PTCH1: variants seen among roughly 807,000 people sequenced by gnomAD.
PTCH1 encodes protein patched homolog 1.
In PTCH1, 14 loss-of-function variants were observed where a neutral mutation model predicts 144.6. The ratio of observed to expected loss-of-function variants is 0.10; its 90% CI spans 0.06 to 0.15. The LOEUF (loss-of-function observed/expected upper bound fraction) is 0.15. PTCH1 is among the 10% of genes least tolerant of loss of function. PTCH1 has a pLI of 1.00. For missense variants in PTCH1, 1,623 were observed against 1,948.3 expected (o/e 0.83, Z 3.14); for synonymous variants, 833 against 793.6 (o/e 1.05, Z -0.83).
intron 5 of PTCH1, 151 bp from the exon 6 acceptor site, chr9:95,480,739 C>T: frequency 2.5e-6 from 2 of 796,650 alleles, no homozygotes; most frequent in Non-Finnish European, 4.1e-6. Context: ...TGCTCCTTTC[C>T]AGCATATCTG....
rs769866360 is a variant in PTCH1, at chr9:95,458,173, C to T, written c.3008G>A (p.Ser1003Asn). The T allele has an allele frequency of 2.3e-5, 37 of 1,614,056 alleles. No homozygotes were observed. Among genetic ancestry groups the T allele is most frequent in the Non-Finnish European group, 3.1e-5 (37 of 1,180,042 alleles). The stretch of plus-strand genomic sequence containing the variant: ...GTTGGGGTAACTGGACAGCCCCAGG[C>T]TCGTATAGTTGCTGCAGATGGTCCT... ...KVRTICSNYTSLGLSSYPNGY... is the reference protein window; with the variant it reads ...KVRTICSNYTNLGLSSYPNGY... Residue 1003 changes from serine (S) to asparagine (N), a missense_variant, in exon 18 of 24, where the codon AGC becomes AAC. Physicochemically the swap from Ser to Asn is conservative, Grantham distance 46 (BLOSUM62 1). This residue lies in a region of PTCH1 where 504 missense variants were observed against 679.3 expected (regional missense o/e 0.74). Coordinates refer to ENST00000331920, the MANE Select transcript of PTCH1 (RefSeq NM_000264.5). This position sits in a 1 kb window ranked among gnomAD's most constrained non-coding sequence, Gnocchi z 4.7.
intron 2 of PTCH1, among the ~76,000 whole-genome samples, chr9:95,500,496 CA>C (rs1398985419): frequency 7.9e-5 from 12 of 152,174 alleles, no homozygotes; most frequent in Admixed American, 2.6e-4. Flanking sequence ...GTCCAGGGAG[CA>C]GAAAGGAGCT....
chr9:95,499,882 G>GCGCCC (rs1278480160), intron 2 of PTCH1, among the ~76,000 whole-genome samples: 1 of 151,960 alleles, frequency 6.6e-6, no homozygotes, highest in Non-Finnish European at 1.5e-5. Flanking sequence ...GGCCACCAAA[G>GCGCCC]CGCCCCTTTC....
chr9:95,498,640 G>A (rs762798095), intron 2 of PTCH1, among the ~76,000 whole-genome samples: 17 of 151,968 alleles, frequency 1.1e-4, no homozygotes, highest in Admixed American at 3.9e-4. Flanking sequence ...AGGAAAAAAA[G>A]TGCCCTAAAT....
intron 18 of PTCH1, among the ~76,000 whole-genome samples, 160 bp from the exon 19 acceptor site, chr9:95,456,573 T>C (rs774369978): frequency 6.6e-6 from 1 of 152,212 alleles, no homozygotes; most frequent in Non-Finnish European, 1.5e-5. Flanking sequence ...GCCTAATTCA[T>C]CTTCCCGCTG....
chr9:95,503,807 G>C (rs893390464), intron 2 of PTCH1, among the ~76,000 whole-genome samples: 3 of 59,234 alleles, frequency 5.1e-5, no homozygotes, highest in Non-Finnish European at 9.9e-5. Flanking sequence ...ATGAGGTCAG[G>C]AGATCGAGAC....
chr9:95,477,829 A>T, intron 9 of PTCH1, 127 bp from the exon 10 acceptor site: 1 of 1,471,718 alleles, frequency 6.8e-7, no homozygotes, highest in Non-Finnish European at 9.3e-7. Flanking sequence ...ACAAAACTTT[A>T]CATCAAGGGC....
intron 16 of PTCH1, 53 bp from the exon 17 acceptor site, chr9:95,459,836 C>A (rs986564536): frequency 6.3e-7 from 1 of 1,585,434 alleles, no homozygotes; most frequent in Non-Finnish European, 8.6e-7. Flanking sequence ...GGGGTAAACA[C>A]ACTTCTGCCT....
At chr9:95,455,281 G>A (rs1838811288) in intron 19 of PTCH1, among the ~76,000 whole-genome samples, 1 of 152,208 alleles carries the variant, frequency 6.6e-6, no homozygotes, top group South Asian at 2.1e-4. Flanking sequence ...ACTGCAGAAG[G>A]CACAAGGCTG....
Position 95,458,214 on chromosome 9 carries a change from C to T in PTCH1, c.2967G>A (p.Glu989=). The change falls in exon 18 of 24, where the codon GAG becomes GAA. Residue 989 remains glutamate (E), a synonymous_variant. Transcript: ENST00000331920. This position sits in a 1 kb window ranked among gnomAD's most constrained non-coding sequence, Gnocchi z 4.7. The part of the protein sequence containing the change: ...NGLRDTSDFV[E]AIEKVRTICS... ...AGATGGTCCTTACTTTTTCAATTGCCTCCACAAAGTCTGAGGTGTCCCGCA... is the reference window on the plus strand; with the variant it reads ...AGATGGTCCTTACTTTTTCAATTGCTTCCACAAAGTCTGAGGTGTCCCGCA... 1 of 1,614,114 alleles carries T rather than the reference C, an allele frequency of 6.2e-7. No homozygotes were observed. The highest frequency in any genetic ancestry group is 1.6e-4 in the Middle Eastern group (1 of 6,062).
At position 95,476,755 on chromosome 9, in the gene PTCH1, T is replaced by C; in HGVS notation, c.1602+4A>G. The C allele has an allele frequency of 6.2e-7, 1 of 1,612,542 alleles. No individual in the cohort carries two copies. The highest frequency in any genetic ancestry group is 8.5e-7 in the Non-Finnish European group (1 of 1,178,862). On this transcript the variant is annotated splice_donor_region_variant and intron_variant, in intron 11 of 23. Coordinates refer to ENST00000331920, the MANE Select transcript of PTCH1 (RefSeq NM_000264.5). This position sits in a 1 kb window ranked among gnomAD's most constrained non-coding sequence, Gnocchi z 4.6. ...AAAGCTCTCTTCTTTTGTTTTTGCA[T>C]TACCTCAAAAGGGATTCTTTTATTC...
At chr9:95,490,834 C>A (rs998617490) in intron 2 of PTCH1, among the ~76,000 whole-genome samples, 1 of 152,068 alleles carries the variant, frequency 6.6e-6, no homozygotes, top group Non-Finnish European at 1.5e-5. Flanking sequence ...AACAACAATA[C>A]ACTGTATATT....
At chr9:95,511,103 G>A (rs1174759617), upstream of PTCH1, among the ~76,000 whole-genome samples, 1 of 149,698 alleles carries the variant, frequency 6.7e-6, no homozygotes, top group African/African-American at 2.4e-5. Flanking sequence ...GCGCTCACGA[G>A]TCCCTGCCCA....
chr9:95,466,817 G>C (rs140930213), intron 15 of PTCH1, among the ~76,000 whole-genome samples: 232 of 152,302 alleles, frequency 1.5e-3, no homozygotes, highest in African/African-American at 5.2e-3. Context: ...TATCCAAGAG[G>C]AAAGAGCACC....
intron 2 of PTCH1, among the ~76,000 whole-genome samples, chr9:95,505,642 G>C (rs1248990292): frequency 6.6e-6 from 1 of 151,806 alleles, no homozygotes; most frequent in Admixed American, 6.6e-5. Context: ...TCTTTTCTTT[G>C]CCTGCAAAAT....
In PTCH1 at chr9:95,458,316, T is replaced by C; in HGVS notation, c.2888-23A>G. ...GGACTGGACAGAGAAGGGCACAGGT[T>C]AGGAGCAGCCCAGGGTAGAAGAGCA... On this transcript the variant is annotated intron_variant, in intron 17 of 23. Coordinates refer to ENST00000331920, the MANE Select transcript of PTCH1 (RefSeq NM_000264.5). This position sits in a 1 kb window ranked among gnomAD's most constrained non-coding sequence, Gnocchi z 4.7. 1 of 1,612,046 alleles carries C rather than the reference T, an allele frequency of 6.2e-7. No homozygotes were observed. Among genetic ancestry groups the C allele is most frequent in the Non-Finnish European group, 8.5e-7 (1 of 1,179,320 alleles).
upstream of PTCH1, among the ~76,000 whole-genome samples, chr9:95,513,275 G>T (rs1844234366): frequency 6.6e-6 from 1 of 152,174 alleles, no homozygotes; most frequent in South Asian, 2.1e-4. Flanking sequence ...AAAATCCAAT[G>T]TAATTTGGCA....
In PTCH1 at chr9:95,468,899, C is replaced by A. The variant is rs775235892; in HGVS notation, c.2102G>T (p.Ser701Ile). Reference sequence around the variant, plus strand: ...CCTTGTGGAGCTGGTGCTCTCTGGGCTCTGGCAGCTGAGGGTGTCCTGTGT... The same window carrying A: ...CCTTGTGGAGCTGGTGCTCTCTGGGATCTGGCAGCTGAGGGTGTCCTGTGT... ...TVTQDTLSCQ[S>I]PESTSSTRDL... The change falls in exon 14 of 24, where the codon AGC becomes ATC. Residue 701 changes from serine (S) to isoleucine (I), a missense_variant. Around this residue, in one of 7 missense-constraint regions of PTCH1, gnomAD observed 179 missense variants for 165.7 expected, o/e 1.08. Coordinates refer to ENST00000331920, the MANE Select transcript of PTCH1 (RefSeq NM_000264.5). 7.4e-6 allele frequency: 12 copies of A among 1,614,124 alleles called. No individual in the cohort carries two copies. Among genetic ancestry groups the A allele is most frequent in the Non-Finnish European group, 1.0e-5 (12 of 1,180,030 alleles).
chr9:95,493,484 C>T (rs1019081212), intron 2 of PTCH1, among the ~76,000 whole-genome samples: 2 of 152,184 alleles, frequency 1.3e-5, no homozygotes, highest in Non-Finnish European at 2.9e-5. Context: ...AACAGGCAGT[C>T]ATCTGTATAA....
Sources: allele counts gnomAD v4.1 joint callset (sites outside exome capture counted in the v4.1 genomes callset), GRCh38; gene constraint gnomAD v4.1.1; regional missense constraint gnomAD v4.1.1; non-coding constraint Gnocchi (gnomAD v3.1); transcripts MANE v1.5; gene names NCBI Gene and HGNC (gene_info 2026-07-23, HGNC 2026-07-21).